The following TMEM117 variants were observed in gnomAD, a reference collection of about 807,000 sequenced individuals.
TMEM117 encodes transmembrane protein 117.
Under a neutral mutation model 52.4 loss-of-function variants are expected in TMEM117, and 27 were observed. The observed-to-expected ratio is 0.51, with a 90% CI of 0.38 to 0.71. The LOEUF is 0.71. TMEM117 is among the 30% of genes least tolerant of loss of function. The pLI is 0.00. For synonymous variants in TMEM117, 215 were observed against 206.3 expected (o/e 1.04, Z -0.36); for missense variants, 556 against 630.5 (o/e 0.88, Z 1.26).
intron 3 of TMEM117, among the ~76,000 whole-genome samples, chr12:44,099,291 A>G (rs570670707): frequency 6.6e-6 from 1 of 152,174 alleles, no homozygotes; most frequent in Admixed American, 6.6e-5. Flanking sequence ...TCCATACAAA[A>G]TACTTAAATA....
intron 3 of TMEM117, among the ~76,000 whole-genome samples, chr12:44,105,086 T>C (rs981021655): frequency 2.0e-5 from 3 of 151,988 alleles, no homozygotes; most frequent in African/African-American, 7.2e-5. Context: ...CTCTTTCTCT[T>C]TCTGTTAGTC....
At chr12:44,215,982 C>A (rs1437988070) in intron 5 of TMEM117, among the ~76,000 whole-genome samples, 1 of 146,976 alleles carries the variant, frequency 6.8e-6, no homozygotes, top group Non-Finnish European at 1.5e-5. Context: ...CTGAAAGGAG[C>A]TCCTTTCTTT....
intron 5 of TMEM117, among the ~76,000 whole-genome samples, chr12:44,280,180 C>A (rs1592661844): frequency 6.6e-6 from 1 of 152,220 alleles, no homozygotes; most frequent in Non-Finnish European, 1.5e-5. Flanking sequence ...CTGACCTTTT[C>A]TTGGTCTAGA....
At chr12:43,932,353 T>TC (rs930297996) in intron 2 of TMEM117, among the ~76,000 whole-genome samples, 1 of 148,562 alleles carries the variant, frequency 6.7e-6, no homozygotes, top group African/African-American at 2.5e-5. Context: ...TTTTTTTTTT[T>TC]CAGAACTGGA....
intron 3 of TMEM117, among the ~76,000 whole-genome samples, chr12:44,070,912 C>A (rs576189678): frequency 1.3e-5 from 2 of 152,026 alleles, no homozygotes; most frequent in East Asian, 3.9e-4. Context: ...ATGAAGAAAG[C>A]CAAGGAGTAA....
intron 3 of TMEM117, among the ~76,000 whole-genome samples, chr12:44,126,569 C>G (rs1948328407): frequency 6.6e-6 from 1 of 152,164 alleles, no homozygotes; most frequent in Non-Finnish European, 1.5e-5. Flanking sequence ...AAAGTTCCAG[C>G]AGTTGGTGAT....
At chr12:43,800,593 C>T in the TMEM117 span, 2 of 1,266,098 alleles carry the variant, frequency 1.6e-6, no homozygotes. Flanking sequence ...AAAGCAAGCA[C>T]ATTCTGAATA....
chr12:43,937,030 C>A (rs781292407), intron 2 of TMEM117, among the ~76,000 whole-genome samples: 6 of 151,956 alleles, frequency 3.9e-5, no homozygotes, highest in Non-Finnish European at 8.8e-5. Context: ...ACCAAGTCCC[C>A]CAAGAGAGGA....
chr12:44,194,301 A>G (rs1392972041), intron 4 of TMEM117, among the ~76,000 whole-genome samples: 2 of 152,192 alleles, frequency 1.3e-5, no homozygotes, highest in East Asian at 1.9e-4. Context: ...ATAAAAGTCA[A>G]ATGGAACTGA....
At chr12:44,072,694 T>C (rs953270365) in intron 3 of TMEM117, among the ~76,000 whole-genome samples, 1 of 152,228 alleles carries the variant, frequency 6.6e-6, no homozygotes. Flanking sequence ...AATATAAGTT[T>C]GTTTCTCCAT....
intron 3 of TMEM117, among the ~76,000 whole-genome samples, chr12:43,967,134 T>TC (rs1287128855): frequency 2.1e-5 from 3 of 145,834 alleles, no homozygotes; most frequent in African/African-American, 5.4e-5. Flanking sequence ...TTCTTCTTCT[T>TC]TTTTTTTTTT....
intron 6 of TMEM117, among the ~76,000 whole-genome samples, chr12:44,341,911 C>A (rs778066351): frequency 3.9e-5 from 6 of 152,048 alleles, no homozygotes; most frequent in African/African-American, 1.2e-4. Flanking sequence ...CAGAGGCTGA[C>A]GTGGCAAGTG....
intron 3 of TMEM117, among the ~76,000 whole-genome samples, chr12:44,011,163 G>GT (rs1213224523): frequency 2.6e-5 from 4 of 151,834 alleles, no homozygotes; most frequent in African/African-American, 4.8e-5. Flanking sequence ...AGAATTCTAG[G>GT]TTTTTTTCTA....
At chr12:44,289,528 G>GATCT (rs141284717) in intron 5 of TMEM117, among the ~76,000 whole-genome samples, 6,900 of 149,186 alleles carry the variant, frequency 0.046, 331 homozygotes, top group African/African-American at 0.12. Context: ...ATGTAAAAGA[G>GATCT]ATCTGTTTTC....
chr12:43,950,674 C>A (rs564739519), intron 3 of TMEM117, among the ~76,000 whole-genome samples: 34 of 152,174 alleles, frequency 2.2e-4, no homozygotes, highest in Non-Finnish European at 4.6e-4. Context: ...TCCCGATAAG[C>A]TCTCAGAAGT....
At chr12:43,806,864 C>T in the TMEM117 span, among the ~76,000 whole-genome samples, 1 of 152,188 alleles carries the variant, frequency 6.6e-6, no homozygotes, top group Non-Finnish European at 1.5e-5. Context: ...CATTTAGAGA[C>T]TCAGTGTATC....
intron 3 of TMEM117, among the ~76,000 whole-genome samples, chr12:44,072,315 A>G (rs1277360132): frequency 6.6e-6 from 1 of 152,198 alleles, no homozygotes. Flanking sequence ...AGCCAGACAC[A>G]CCAGAAGAGA....
chr12:43,917,884 A>G (rs1163368321), intron 2 of TMEM117, among the ~76,000 whole-genome samples: 2 of 151,828 alleles, frequency 1.3e-5, no homozygotes, highest in East Asian at 3.9e-4. Flanking sequence ...TTTTTTAGAC[A>G]TTGGCCAGTT....
intron 5 of TMEM117, among the ~76,000 whole-genome samples, chr12:44,253,681 T>G (rs1236937162): frequency 6.6e-6 from 1 of 152,160 alleles, no homozygotes; most frequent in Non-Finnish European, 1.5e-5. Flanking sequence ...ATAGTGAAGC[T>G]GACATTATTG....
Sources: allele counts gnomAD v4.1 joint callset (sites outside exome capture counted in the v4.1 genomes callset), GRCh38; gene constraint gnomAD v4.1.1; transcripts MANE v1.5; gene names NCBI Gene and HGNC (gene_info 2026-07-23, HGNC 2026-07-21).